MAP3K5: variants seen among roughly 807,000 people sequenced by gnomAD.
MAP3K5 encodes the protein mitogen-activated protein kinase kinase kinase 5.
A neutral mutation model predicts 158.7 loss-of-function variants in MAP3K5; 56 were observed. The observed-to-expected ratio is 0.35, with a 90% CI of 0.28 to 0.44. MAP3K5 has a LOEUF of 0.44. MAP3K5 is among the 20% of genes least tolerant of loss of function. The pLI, the probability that MAP3K5 is intolerant of heterozygous loss-of-function variation, is 1.00. For synonymous variants in MAP3K5, 579 were observed against 601.7 expected, an observed-to-expected ratio of 0.96 and a Z score of 0.55; for missense variants, 1,294 against 1,674.8, an observed-to-expected ratio of 0.77 and a Z score of 3.97.
At chr6:136,739,835 AT>A (rs1782635816) in intron 1 of MAP3K5, among the ~76,000 whole-genome samples, 1 of 152,186 alleles carries the variant, frequency 6.6e-6, no homozygotes, top group Admixed American at 6.5e-5. Context: ...TCTCATTGTC[AT>A]TTCTAGTAGA....
At chr6:136,693,578 T>C (rs1780478493) in intron 7 of MAP3K5, among the ~76,000 whole-genome samples, 2 of 151,464 alleles carry the variant, frequency 1.3e-5, no homozygotes, top group Non-Finnish European at 2.9e-5. Flanking sequence ...TATTTTATTA[T>C]TTATATTACT....
At chr6:136,761,847 C>T (rs1001084622) in intron 1 of MAP3K5, among the ~76,000 whole-genome samples, 6 of 152,056 alleles carry the variant, frequency 3.9e-5, no homozygotes, top group Admixed American at 2.0e-4. Flanking sequence ...CACAGAGAAG[C>T]GATGGAGAAG....
At chr6:136,655,299 T>C (rs1259929773) in intron 10 of MAP3K5, among the ~76,000 whole-genome samples, 3 of 152,228 alleles carry the variant, frequency 2.0e-5, no homozygotes, top group Non-Finnish European at 4.4e-5. Context: ...CAGCTCATTC[T>C]AAGGTAAGTA....
At chr6:136,719,695 T>C (rs1345704167) in intron 2 of MAP3K5, among the ~76,000 whole-genome samples, 1 of 152,218 alleles carries the variant, frequency 6.6e-6, no homozygotes, top group African/African-American at 2.4e-5. Context: ...TGTCCCAAGG[T>C]TGGCTCAGAT....
chr6:136,752,613 T>C (rs1562673946), intron 1 of MAP3K5, among the ~76,000 whole-genome samples: 1 of 152,182 alleles, frequency 6.6e-6, no homozygotes, highest in Non-Finnish European at 1.5e-5. Context: ...GGTTTCGCCA[T>C]TTTGGCCAGG....
chr6:136,592,571 C>G lies in MAP3K5; in HGVS notation c.2922G>C (p.Glu974Asp), dbSNP rs761275698. ...SISLPVPVLVEDTSSSSEYGS... is the reference protein window; with the variant it reads ...SISLPVPVLVDDTSSSSEYGS... ...CGTACTCACTGCTGCTGCTGGTGTC[C>G]TCCACCAGCACAGGTACCGGCAAGG... The change falls in exon 22 of 30, where the codon GAG becomes GAC. Residue 974 changes from glutamate to aspartate, a missense_variant. Coordinates refer to ENST00000359015, the MANE Select transcript of MAP3K5 (RefSeq NM_005923.4). The G allele has an allele frequency of 6.2e-7, 1 of 1,613,816 alleles. No individual in the cohort carries two copies. The highest frequency in any genetic ancestry group is 8.5e-7 in the Non-Finnish European group (1 of 1,179,822).
At chr6:136,684,546 T>C (rs1780064325) in intron 7 of MAP3K5, among the ~76,000 whole-genome samples, 1 of 152,174 alleles carries the variant, frequency 6.6e-6, no homozygotes, top group Non-Finnish European at 1.5e-5. Flanking sequence ...TAACACTTCC[T>C]TGGATCATCT....
At chr6:136,685,441 G>C (rs576527880) in intron 7 of MAP3K5, among the ~76,000 whole-genome samples, 1 of 152,064 alleles carries the variant, frequency 6.6e-6, no homozygotes, top group Non-Finnish European at 1.5e-5. Flanking sequence ...GCACTAAAAC[G>C]CTGCCATTTA....
intron 21 of MAP3K5, 109 bp downstream of exon 21, chr6:136,600,913 C>T: frequency 8.8e-7 from 1 of 1,142,394 alleles, no homozygotes. Context: ...CCCTCCTTTC[C>T]CCCCATGTAA....
At position 136,664,737 on chromosome 6, in the gene MAP3K5, C is replaced by T. The variant is rs150336003; in HGVS notation, c.1366+4546G>A. Among the ~76,000 whole-genome samples, 563 of 152,304 alleles carry T rather than the reference C, an allele frequency of 3.7e-3. 5 individuals carry two copies. The highest frequency in any genetic ancestry group is 0.013 in the African/African-American group (548 of 41,578). ...CTTGAGGCCAGGAGTTCAAGACCAG[C>T]TTGGCCAACATGGCAAAATCCTGTC... On this transcript the variant is annotated intron_variant, in intron 8 of 29. Transcript: ENST00000359015.
At chr6:136,787,012 T>C (rs146698670) in intron 1 of MAP3K5, among the ~76,000 whole-genome samples, 95 of 152,194 alleles carry the variant, frequency 6.2e-4, no homozygotes, top group Non-Finnish European at 1.1e-3. Context: ...CGTTGAGACC[T>C]TCATTAGGCT....
At chr6:136,729,367 AACTAT>A (rs970518073) in intron 1 of MAP3K5, among the ~76,000 whole-genome samples, 70 of 152,326 alleles carry the variant, frequency 4.6e-4, no homozygotes, top group African/African-American at 1.3e-3. Flanking sequence ...TGGTTTCTTC[AACTAT>A]AAATTGGGAA....
intron 7 of MAP3K5, among the ~76,000 whole-genome samples, chr6:136,678,797 C>G (rs570937610): frequency 5.9e-5 from 9 of 151,690 alleles, no homozygotes; most frequent in Non-Finnish European, 1.2e-4. Context: ...GCTATCTTGG[C>G]TCACTGTAAC....
intron 23 of MAP3K5, among the ~76,000 whole-genome samples, chr6:136,591,319 T>G (rs1775375467): frequency 6.6e-6 from 1 of 152,238 alleles, no homozygotes; most frequent in Non-Finnish European, 1.5e-5. Flanking sequence ...GTGGTCTCAG[T>G]GTGGGTGTGT....
At chr6:136,602,079 C>G (rs535585090) in intron 19 of MAP3K5, 100 bp from the exon 20 acceptor site, 1 of 854,750 alleles carries the variant, frequency 1.2e-6, no homozygotes, top group African/African-American at 1.7e-5. Flanking sequence ...CAACAAGATC[C>G]CTTATCATAC....
At chr6:136,639,330 A>C (rs1777805553) in intron 13 of MAP3K5, among the ~76,000 whole-genome samples, 1 of 152,150 alleles carries the variant, frequency 6.6e-6, no homozygotes, top group East Asian at 1.9e-4. Flanking sequence ...GTGGGAAAAT[A>C]AGTTATGACT....
At chr6:136,615,153 A>G (rs903147533) in intron 15 of MAP3K5, among the ~76,000 whole-genome samples, 2 of 152,250 alleles carry the variant, frequency 1.3e-5, no homozygotes, top group Admixed American at 6.5e-5. Context: ...AGCTTGCCAA[A>G]GAACATAATT....
intron 1 of MAP3K5, among the ~76,000 whole-genome samples, chr6:136,767,955 A>G (rs980339935): frequency 7.9e-5 from 12 of 152,214 alleles, no homozygotes; most frequent in Admixed American, 3.9e-4. Flanking sequence ...ATCCAATGGC[A>G]AAAGAATGGT....
At chr6:136,646,376 A>C (rs988866437) in intron 11 of MAP3K5, among the ~76,000 whole-genome samples, 1 of 152,238 alleles carries the variant, frequency 6.6e-6, no homozygotes, top group Non-Finnish European at 1.5e-5. Flanking sequence ...AATTGTCTCT[A>C]TGATTGTCAC....
Sources: allele counts gnomAD v4.1 joint callset (sites outside exome capture counted in the v4.1 genomes callset), GRCh38; gene constraint gnomAD v4.1.1; transcripts MANE v1.5; gene names NCBI Gene and HGNC (gene_info 2026-07-23, HGNC 2026-07-21).